The following SCHIP1 variants were observed in gnomAD, a reference collection of about 807,000 sequenced individuals.
SCHIP1 encodes schwannomin-interacting protein 1.
In SCHIP1, 8 loss-of-function variants were observed where a neutral mutation model predicts 29.7. The observed-to-expected ratio is 0.27, with a 90% CI of 0.16 to 0.49. The LOEUF is 0.49. Among genes scored for constraint, SCHIP1 ranks in the 20% least tolerant of loss-of-function variants. SCHIP1 has a pLI of 0.99. For missense variants in SCHIP1, 193 were observed against 294.6 expected, an observed-to-expected ratio of 0.66 and a Z score of 2.52; for synonymous variants, 76 against 94.9, an observed-to-expected ratio of 0.80 and a Z score of 1.16.
the SCHIP1 span, among the ~76,000 whole-genome samples, chr3:159,289,712 C>A: frequency 0.02 from 3,020 of 152,248 alleles, 96 homozygotes; most frequent in African/African-American, 0.069. Context: ...TCTGTCAATG[C>A]GCAGGGCCTG....
At chr3:159,716,490 T>C in the SCHIP1 span, among the ~76,000 whole-genome samples, 13 of 152,180 alleles carry the variant, frequency 8.5e-5, no homozygotes, top group Non-Finnish European at 1.8e-4. Context: ...ATCAGTGTGC[T>C]GTATTCAGGA....
intron 1 of SCHIP1, among the ~76,000 whole-genome samples, chr3:159,852,306 T>C: frequency 6.6e-6 from 1 of 152,238 alleles, no homozygotes; most frequent in East Asian, 1.9e-4. Flanking sequence ...AAGATGGTGT[T>C]GCTAAATGAA....
chr3:159,576,269 A>G, the SCHIP1 span, among the ~76,000 whole-genome samples: 2 of 152,208 alleles, frequency 1.3e-5, no homozygotes, highest in Non-Finnish European at 2.9e-5. Flanking sequence ...TAAAAAGACT[A>G]TTATGCCATT....
chr3:159,776,584 G>T, the SCHIP1 span, among the ~76,000 whole-genome samples: 15 of 152,092 alleles, frequency 9.9e-5, no homozygotes, highest in South Asian at 4.1e-4. Context: ...CCCAAATAGC[G>T]TTTAAAATAA....
the SCHIP1 span, among the ~76,000 whole-genome samples, chr3:159,791,767 T>A: frequency 2.0e-5 from 3 of 152,288 alleles, no homozygotes; most frequent in East Asian, 5.8e-4. Flanking sequence ...TATCTGACTA[T>A]AAAACAGGGT....
At chr3:159,572,416 T>C in the SCHIP1 span, among the ~76,000 whole-genome samples, 522 of 152,310 alleles carry the variant, frequency 3.4e-3, 3 homozygotes, top group African/African-American at 0.012. Flanking sequence ...TAAGTTTCCA[T>C]GTAGTTGTGT....
the SCHIP1 span, among the ~76,000 whole-genome samples, chr3:159,330,191 C>A: frequency 6.6e-6 from 1 of 152,140 alleles, no homozygotes; most frequent in Non-Finnish European, 1.5e-5. Flanking sequence ...CAGTCATATA[C>A]ATTTTCTCTT....
At chr3:159,674,585 A>G in the SCHIP1 span, among the ~76,000 whole-genome samples, 1 of 140,412 alleles carries the variant, frequency 7.1e-6, no homozygotes, top group Non-Finnish European at 1.5e-5. Context: ...GTTCTTACAT[A>G]TAGGGTCAGG....
the SCHIP1 span, among the ~76,000 whole-genome samples, chr3:159,597,794 G>A: frequency 2.6e-4 from 39 of 152,276 alleles, no homozygotes; most frequent in African/African-American, 8.7e-4. Flanking sequence ...TTGATACTCA[G>A]TAATGAGATT....
chr3:159,452,930 A>T, the SCHIP1 span, among the ~76,000 whole-genome samples: 1 of 152,256 alleles, frequency 6.6e-6, no homozygotes, highest in African/African-American at 2.4e-5. Flanking sequence ...ATAAATTGCT[A>T]GAATTTGGCT....
chr3:159,748,543 G>A, the SCHIP1 span, among the ~76,000 whole-genome samples: 1 of 152,188 alleles, frequency 6.6e-6, no homozygotes, highest in African/African-American at 2.4e-5. Context: ...GCCAGCTCAT[G>A]CCAACCCCTG....
chr3:159,595,474 G>A, the SCHIP1 span, among the ~76,000 whole-genome samples: 1 of 152,080 alleles, frequency 6.6e-6, no homozygotes, highest in South Asian at 2.1e-4. Flanking sequence ...CCAAGAACAT[G>A]GGGAAGTAGA....
At chr3:159,384,679 G>A in the SCHIP1 span, among the ~76,000 whole-genome samples, 1 of 151,292 alleles carries the variant, frequency 6.6e-6, no homozygotes, top group African/African-American at 2.4e-5. Flanking sequence ...GTTTCAGAAG[G>A]AATAGTACCA....
the SCHIP1 span, among the ~76,000 whole-genome samples, chr3:159,587,450 C>CA: frequency 2.6e-4 from 39 of 151,466 alleles, no homozygotes; most frequent in African/African-American, 8.7e-4. Flanking sequence ...TTTTTCCAGA[C>CA]ATTTGACGTG....
intron 2 of SCHIP1, among the ~76,000 whole-genome samples, chr3:159,867,879 G>A (rs549009980): frequency 2.0e-5 from 3 of 151,718 alleles, no homozygotes; most frequent in African/African-American, 7.2e-5. Context: ...ATTTCCCAGA[G>A]TGCCAAAATG....
chr3:159,377,500 C>A, the SCHIP1 span, among the ~76,000 whole-genome samples: 1 of 152,208 alleles, frequency 6.6e-6, no homozygotes, highest in African/African-American at 2.4e-5. Flanking sequence ...CATGGAGAAT[C>A]TATTGCATTG....
the SCHIP1 span, among the ~76,000 whole-genome samples, chr3:159,555,799 T>C: frequency 1.3e-5 from 2 of 152,210 alleles, no homozygotes; most frequent in African/African-American, 4.8e-5. Flanking sequence ...TCTATCTCTA[T>C]GGTGACTGTG....
At chr3:159,663,447 C>T in the SCHIP1 span, among the ~76,000 whole-genome samples, 4 of 152,098 alleles carry the variant, frequency 2.6e-5, no homozygotes. Flanking sequence ...GAAACACATC[C>T]TGCACCTGGA....
At chr3:159,837,953 A>T (rs144626222), upstream of SCHIP1, among the ~76,000 whole-genome samples, 355 of 152,286 alleles carry the variant, frequency 2.3e-3, 3 homozygotes, top group African/African-American at 8.3e-3. Flanking sequence ...CAGGCCTAGA[A>T]AGTCCTGCAC....
Sources: gnomAD v4.1 joint callset for allele counts (sites outside exome capture counted in the v4.1 genomes callset) on GRCh38, gnomAD v4.1.1 for gene constraint, MANE v1.5 for transcripts, NCBI Gene and HGNC (gene_info 2026-07-23, HGNC 2026-07-21) for gene names.